Variants in SBNO1 observed in about 807,000 individuals in gnomAD.
SBNO1 encodes strawberry notch homolog 1.
Under a neutral mutation model 173.6 loss-of-function variants are expected in SBNO1, and 23 were observed. The observed-to-expected ratio is 0.13, with a 90% CI of 0.10 to 0.19. SBNO1 has a LOEUF of 0.19. Ranked by LOEUF, SBNO1 falls within the 10% of genes least tolerant of loss-of-function variation. SBNO1 has a pLI of 1.00. For missense variants in SBNO1, 1,238 were observed against 1,671.2 expected, an observed-to-expected ratio of 0.74 and a Z score of 4.52; for synonymous variants, 632 against 571.5, an observed-to-expected ratio of 1.11 and a Z score of -1.51.
rs536027201 is a variant in SBNO1, at chr12:123,327,647, T to C, written c.1538+60A>G. ...ATTTTAACATACAGAGAATGGGCTTTAGGAATAACACACTTCTTAGATTGC... is the reference window on the plus strand; with the variant it reads ...ATTTTAACATACAGAGAATGGGCTTCAGGAATAACACACTTCTTAGATTGC... On this transcript the variant is annotated intron_variant, in intron 12 of 31. Transcript: ENST00000602398. 2,422 of 1,591,292 alleles carry C rather than the reference T, an allele frequency of 1.5e-3. 4 individuals carry two copies. The highest frequency in any genetic ancestry group is 1.9e-3 in the Non-Finnish European group (2,148 of 1,159,914).
chr12:123,326,877 A>C (rs960482537), intron 13 of SBNO1, among the ~76,000 whole-genome samples: 1 of 152,214 alleles, frequency 6.6e-6, no homozygotes. Flanking sequence ...CAGTAAGCCA[A>C]GATCACACCA....
chr12:123,336,290 C>G, intron 6 of SBNO1, 105 bp downstream of exon 6: 1 of 782,820 alleles, frequency 1.3e-6, no homozygotes, highest in Admixed American at 2.7e-5. Context: ...AGACTTTGAC[C>G]TAAAGCAAGA....
intron 31 of SBNO1, among the ~76,000 whole-genome samples, chr12:123,297,020 A>G (rs2048620350): frequency 6.6e-6 from 1 of 151,826 alleles, no homozygotes; most frequent in Non-Finnish European, 1.5e-5. Context: ...GAAACTGGAA[A>G]TCTAGACTTT....
chr12:123,357,598 G>A (rs888688064), intron 1 of SBNO1, among the ~76,000 whole-genome samples: 1 of 104,644 alleles, frequency 9.6e-6, no homozygotes, highest in Non-Finnish European at 1.9e-5. Context: ...AAAATTAGCT[G>A]GGCATGGTGG....
Position 123,321,485 on chromosome 12 carries a change from T to C in SBNO1, c.2323+50A>G, listed in dbSNP as rs369689625. On this transcript the variant is annotated intron_variant, in intron 17 of 31. Coordinates refer to ENST00000602398, the MANE Select transcript of SBNO1 (RefSeq NM_001167856.3). ...AAAGGTTTCATATCCCATTTTCAAA[T>C]ATACTGAAATATTATATGCTTTCGT... is the stretch of plus-strand genomic sequence containing the variant. The C allele has an allele frequency of 1.5e-5, 20 of 1,313,268 alleles. No homozygotes were observed. The African/African-American group carries it at 2.3e-4, about 15-fold the overall frequency. 81.4% of individuals were successfully genotyped at this position (1,313,268 alleles called of 1,614,324 possible).
intron 1 of SBNO1, among the ~76,000 whole-genome samples, chr12:123,353,978 A>G (rs1023873652): frequency 3.9e-5 from 6 of 152,334 alleles, no homozygotes; most frequent in Admixed American, 6.5e-5. Flanking sequence ...ACCAAGCCCT[A>G]TCTAATAATA....
chr12:123,330,675 C>T, intron 8 of SBNO1, among the ~76,000 whole-genome samples, 166 bp from the exon 9 acceptor site: 1 of 151,714 alleles, frequency 6.6e-6, no homozygotes, highest in Non-Finnish European at 1.5e-5. Context: ...GTGGCTCACA[C>T]CCATAATCCT....
Position 123,298,168 on chromosome 12 carries a change from G to A in SBNO1, c.3849C>T (p.Arg1283=), listed in dbSNP as rs201716804. The A allele has an allele frequency of 1.1e-4, 183 of 1,610,410 alleles. 1 individual carries two copies. In the Middle Eastern group the frequency reaches 4.3e-3, roughly 38 times the overall value. Residue 1283 remains arginine (R), a synonymous_variant, in exon 31 of 32, where the codon CGC becomes CGT. Transcript: ENST00000602398. Reference sequence around the variant, plus strand: ...CCAAGCTTGCTTTTTTGCAATTGCCGCGCCTAAGAAAAATGGGAAAGAAAT... The same window carrying A: ...CCAAGCTTGCTTTTTTGCAATTGCCACGCCTAAGAAAAATGGGAAAGAAAT... ...SADTCTHAYW[R]GNCKKASLGL... is the part of the protein sequence containing the mutation.
chr12:123,337,307 A>T (rs1401340412), intron 5 of SBNO1, among the ~76,000 whole-genome samples: 1 of 152,334 alleles, frequency 6.6e-6, no homozygotes, highest in East Asian at 1.9e-4. Flanking sequence ...GATCCGGAAT[A>T]AGCCACTTTT....
rs11427958 is a variant in SBNO1, at chr12:123,297,329, C to CAAA, written c.4039+646_4039+648dup. On this transcript the variant is annotated intron_variant, in intron 31 of 31. Coordinates refer to ENST00000602398, the MANE Select transcript of SBNO1 (RefSeq NM_001167856.3). ...TGGGCGACACAGTGAGACTCAGTCT[C>CAAA]AAAAAAAAAAAAAAAAAAAAAAATT... is the stretch of plus-strand genomic sequence containing the variant. Among the ~76,000 whole-genome samples the CAAA allele has an allele frequency of 3.6e-3, 116 of 32,016 alleles. 4 individuals are homozygous for CAAA. Among genetic ancestry groups the CAAA allele is most frequent in the Middle Eastern group, 0.026 (1 of 38 alleles). The allele number at this position is 32,016 out of a possible 152,430, so 21.0% of individuals were successfully genotyped here.
intron 1 of SBNO1, chr12:123,364,055 G>A (rs1273164160): frequency 7.1e-6 from 7 of 985,320 alleles, no homozygotes; most frequent in East Asian, 1.1e-4. Flanking sequence ...AATTCTTAGG[G>A]TCTGGGAGGT....
chr12:123,335,627 ACTT>A (rs1242744065), intron 6 of SBNO1, among the ~76,000 whole-genome samples: 2 of 152,242 alleles, frequency 1.3e-5, no homozygotes, highest in Non-Finnish European at 2.9e-5. Flanking sequence ...TTGTACAACT[ACTT>A]AACATTGCTG....
At chr12:123,352,874 C>G (rs750258387) in intron 1 of SBNO1, among the ~76,000 whole-genome samples, 2 of 151,968 alleles carry the variant, frequency 1.3e-5, no homozygotes, top group Non-Finnish European at 2.9e-5. Flanking sequence ...CTCGGCTCAC[C>G]GCAACCTCCG....
At chr12:123,359,472 G>A (rs1400524526) in intron 1 of SBNO1, among the ~76,000 whole-genome samples, 1 of 150,372 alleles carries the variant, frequency 6.7e-6, no homozygotes, top group Non-Finnish European at 1.5e-5. Context: ...TGAGGTGGGA[G>A]AATCACTTGA....
intron 16 of SBNO1, among the ~76,000 whole-genome samples, chr12:123,322,054 G>GT (rs1870040597): frequency 6.6e-6 from 1 of 152,216 alleles, no homozygotes; most frequent in African/African-American, 2.4e-5. Context: ...ATTTGACTGT[G>GT]TATCAGATTT....
rs1042619417 is a variant in SBNO1, at chr12:123,291,761, G to A, written c.*4147C>T. ...AATAAATAGAGCTGAAGGGAAGAGGGAAAAGGGAGAAACAGGTGGGCAGAG... is the reference window on the plus strand; with the variant it reads ...AATAAATAGAGCTGAAGGGAAGAGGAAAAAGGGAGAAACAGGTGGGCAGAG... On this transcript the variant is annotated 3_prime_UTR_variant, in exon 32 of 32. Transcript: ENST00000602398. 2 of 146,080 alleles carry A rather than the reference G, an allele frequency of 1.4e-5. No homozygotes were observed. The highest frequency in any genetic ancestry group is 2.5e-5 in the African/African-American group (1 of 39,908). The allele number at this position is 146,080 out of a possible 1,614,324, so 9.0% of individuals were successfully genotyped here.
intron 1 of SBNO1, among the ~76,000 whole-genome samples, chr12:123,352,827 TAG>T (rs1325937465): frequency 2.6e-5 from 4 of 151,972 alleles, no homozygotes; most frequent in Non-Finnish European, 5.9e-5. Flanking sequence ...AGACGGAGTC[TAG>T]CTCTGTCACC....
chr12:123,306,592 C>G (rs1046576072), intron 28 of SBNO1, among the ~76,000 whole-genome samples: 4 of 152,058 alleles, frequency 2.6e-5, no homozygotes, highest in Non-Finnish European at 5.9e-5. Context: ...GTGGTGCATG[C>G]CTGTAATCCC....
intron 7 of SBNO1, 135 bp from the exon 8 acceptor site, chr12:123,331,510 T>C (rs1871203025): frequency 2.4e-6 from 2 of 846,104 alleles, no homozygotes; most frequent in South Asian, 2.0e-5. Context: ...TATTTTTACA[T>C]AAATTTCATA....
Sources: gnomAD v4.1 joint callset for allele counts (sites outside exome capture counted in the v4.1 genomes callset) on GRCh38, gnomAD v4.1.1 for gene constraint, MANE v1.5 for transcripts, NCBI Gene and HGNC (gene_info 2026-07-23, HGNC 2026-07-21) for gene names.